Variants in FRMPD4 observed in about 807,000 individuals in gnomAD.
The protein encoded by FRMPD4 is FERM and PDZ domain-containing protein 4.
Under a neutral mutation model 94.1 loss-of-function variants are expected in FRMPD4, and 22 were observed. The observed-to-expected ratio is 0.23, with a 90% CI of 0.17 to 0.33. FRMPD4 has a LOEUF of 0.33. Among genes scored for constraint, FRMPD4 ranks in the 10% least tolerant of loss-of-function variants. The pLI is 1.00. For missense variants in FRMPD4, 1,111 were observed against 1,339.9 expected (o/e 0.83, Z 2.67); for synonymous variants, 631 against 548.6 (o/e 1.15, Z -2.10).
chrX:12,074,475 A>C (rs1467878227), intron 3 of FRMPD4, among the ~76,000 whole-genome samples: 1 of 111,651 alleles, frequency 9.0e-6, no homozygotes, highest in Non-Finnish European at 1.9e-5. Flanking sequence ...TTTTCCAGAC[A>C]AAGAGATCAG....
At chrX:12,443,407 G>T (rs775463025) in intron 1 of FRMPD4, among the ~76,000 whole-genome samples, 5 of 111,924 alleles carry the variant, frequency 4.5e-5, no homozygotes, top group Non-Finnish European at 9.4e-5. Flanking sequence ...TATAAGCAAT[G>T]TTTTTTTAAA....
chrX:12,709,008 C>G, intron 13 of FRMPD4: 1 of 113,718 alleles, frequency 8.8e-6, no homozygotes, highest in South Asian at 3.7e-4. Flanking sequence ...AGAGAAATAG[C>G]CCCATCACAG....
At chrX:12,320,341 T>C (rs2055189615) in intron 1 of FRMPD4, among the ~76,000 whole-genome samples, 1 of 110,869 alleles carries the variant, frequency 9.0e-6, no homozygotes, top group African/African-American at 3.3e-5. Flanking sequence ...GTAGGGGCAA[T>C]TGAAAACTGG....
rs181756465 is a variant in FRMPD4, at chrX:11,908,852, G to A, written c.95+30834G>A. Among the ~76,000 whole-genome samples the A allele has an allele frequency of 6.3e-5, 7 of 111,698 alleles. No homozygotes were observed. The East Asian group carries it at 2.0e-3, about 31-fold the overall frequency. ...AGATATTTTCTGACCATATTACTCT[G>A]CTATTACCGAAAGTTTTTCTTTTAT... On this transcript the variant is annotated intron_variant, in intron 3 of 18. Coordinates refer to the FRMPD4 transcript ENST00000640291.
At chrX:12,308,891 C>T (rs2054987468) in intron 1 of FRMPD4, among the ~76,000 whole-genome samples, 1 of 112,851 alleles carries the variant, frequency 8.9e-6, no homozygotes, top group Admixed American at 9.3e-5. Context: ...AGGGAGCCAG[C>T]GTGGCATGCG....
At chrX:12,352,907 G>T (rs1347090233) in intron 1 of FRMPD4, among the ~76,000 whole-genome samples, 1 of 112,082 alleles carries the variant, frequency 8.9e-6, no homozygotes, top group Non-Finnish European at 1.9e-5. Context: ...ATAAACTCAG[G>T]AAAGGGAGCC....
chrX:12,337,463 T>C (rs1459325142), intron 1 of FRMPD4, among the ~76,000 whole-genome samples: 1 of 112,276 alleles, frequency 8.9e-6, no homozygotes, highest in Non-Finnish European at 1.9e-5. Flanking sequence ...GTCTGGTTTA[T>C]GAAAGTTATT....
rs774513904 is a variant in FRMPD4, at chrX:11,843,810, A to G, written c.-161+21095A>G. Among the ~76,000 whole-genome samples, 21 of 110,341 alleles carry G rather than the reference A, an allele frequency of 1.9e-4. No homozygotes were observed. In the East Asian group the frequency reaches 4.8e-3, roughly 25 times the overall value. On this transcript the variant is annotated intron_variant, in intron 1 of 18. Coordinates refer to the FRMPD4 transcript ENST00000640291. ...AGGTAATTCTTCTGCCTTGGCCTTC[A>G]AAAGCACTTGGGATTTCAGGCACGA...
At chrX:12,208,011 G>A (rs1361217979) in intron 1 of FRMPD4, among the ~76,000 whole-genome samples, 1 of 111,231 alleles carries the variant, frequency 9.0e-6, no homozygotes, top group Non-Finnish European at 1.9e-5. Context: ...TAGAAGCAGG[G>A]ACCATGTCCC....
intron 1 of FRMPD4, among the ~76,000 whole-genome samples, chrX:12,182,211 C>T (rs143163889): frequency 9.0e-6 from 1 of 111,439 alleles, no homozygotes; most frequent in East Asian, 2.8e-4. Flanking sequence ...CTCTTTTTAG[C>T]AAACAATTGA....
chrX:12,220,072 C>T (rs1316765677), intron 1 of FRMPD4, among the ~76,000 whole-genome samples: 3 of 111,622 alleles, frequency 2.7e-5, no homozygotes, highest in Non-Finnish European at 5.6e-5. Flanking sequence ...ACCCAGGAGG[C>T]GGAGGTTGTG....
At chrX:12,701,144 C>T (rs1477475346) in intron 9 of FRMPD4, among the ~76,000 whole-genome samples, 1 of 94,040 alleles carries the variant, frequency 1.1e-5, no homozygotes, top group Non-Finnish European at 2.0e-5. Context: ...GTGATCAAGG[C>T]TCACTGCAGC....
At chrX:12,298,864 T>TA (rs2054813657) in intron 1 of FRMPD4, among the ~76,000 whole-genome samples, 1 of 112,226 alleles carries the variant, frequency 8.9e-6, no homozygotes, top group Non-Finnish European at 1.9e-5. Context: ...TAGAGAGAGC[T>TA]AAGCACATCT....
intron 2 of FRMPD4, among the ~76,000 whole-genome samples, chrX:12,510,651 G>A (rs1457290855): frequency 8.9e-6 from 1 of 112,076 alleles, no homozygotes; most frequent in African/African-American, 3.2e-5. Context: ...AAACCAAGAA[G>A]GAATTCCAGC....
intron 3 of FRMPD4, among the ~76,000 whole-genome samples, chrX:11,975,730 A>C (rs1305671635): frequency 9.0e-6 from 1 of 111,719 alleles, no homozygotes; most frequent in Non-Finnish European, 1.9e-5. Flanking sequence ...TAGAGACTGC[A>C]CACAGCACAG....
At chrX:12,668,978 G>C (rs2059811359) in intron 4 of FRMPD4, among the ~76,000 whole-genome samples, 1 of 111,894 alleles carries the variant, frequency 8.9e-6, no homozygotes, top group South Asian at 3.7e-4. Context: ...CAAAATGTAA[G>C]ATGGACCCCA....
At chrX:11,981,807 C>A (rs944585003) in intron 3 of FRMPD4, among the ~76,000 whole-genome samples, 4 of 111,322 alleles carry the variant, frequency 3.6e-5, no homozygotes, top group African/African-American at 1.3e-4. Context: ...TGAATTATAT[C>A]TATTTTGACT....
At chrX:12,167,280 A>G (rs2056136988) in intron 1 of FRMPD4, among the ~76,000 whole-genome samples, 1 of 112,023 alleles carries the variant, frequency 8.9e-6, no homozygotes, top group Admixed American at 9.5e-5. Context: ...TTCAAAGAAC[A>G]TCTTTGTTTC....
At chrX:12,411,129 A>T (rs1754501116) in intron 1 of FRMPD4, among the ~76,000 whole-genome samples, 1 of 111,131 alleles carries the variant, frequency 9.0e-6, no homozygotes, top group Non-Finnish European at 1.9e-5. Context: ...GAGCTCTAGG[A>T]GTTCCCACTA....
Sources: gnomAD v4.1 joint callset for allele counts (sites outside exome capture counted in the v4.1 genomes callset) on GRCh38, gnomAD v4.1.1 for gene constraint, MANE v1.5 for transcripts, NCBI Gene and HGNC (gene_info 2026-07-23, HGNC 2026-07-21) for gene names.